The following NCAM2 variants were observed in gnomAD, a reference collection of about 807,000 sequenced individuals.
The protein encoded by NCAM2 is neural cell adhesion molecule 2.
In NCAM2, 30 loss-of-function variants were observed where a neutral mutation model predicts 98.1. That is an observed-to-expected ratio of 0.31 (90% CI 0.23 to 0.41). The LOEUF (loss-of-function observed/expected upper bound fraction) is 0.41, where lower values mean the gene tolerates loss of function less well. NCAM2 is among the 10% of genes least tolerant of loss of function. The pLI is 1.00. For missense variants in NCAM2, 867 were observed against 1,005.8 expected, an observed-to-expected ratio of 0.86 and a Z score of 1.87; for synonymous variants, 368 against 342.4, an observed-to-expected ratio of 1.07 and a Z score of -0.83.
rs746736384 is a variant in NCAM2, at chr21:21,373,964, T to C, written c.1146T>C (p.Ala382=). The change falls in exon 9 of 18, where the codon GCT becomes GCC. Residue 382 remains alanine (A), a synonymous_variant. Coordinates refer to ENST00000400546, the MANE Select transcript of NCAM2 (RefSeq NM_004540.5). ...LSDSGRYDCE[A]ASRIGGHQKS... ...ATTCAGGGAGATATGACTGTGAAGC[T>C]GCAAGCAGAATTGGAGGGCATCAAA... The C allele has an allele frequency of 1.4e-5, 23 of 1,611,212 alleles. No individual in the cohort carries two copies. In the Middle Eastern group the frequency reaches 5.0e-4, roughly 35 times the overall value.
chr21:21,135,875 C>T (rs559610307), intron 1 of NCAM2, among the ~76,000 whole-genome samples: 2 of 152,066 alleles, frequency 1.3e-5, no homozygotes, highest in Admixed American at 1.3e-4. Context: ...TCCATGTTCC[C>T]AGCCCTTCCT....
At chr21:21,292,360 G>T (rs2073329771) in intron 5 of NCAM2, 119 bp downstream of exon 5, 2 of 956,384 alleles carry the variant, frequency 2.1e-6, no homozygotes, top group African/African-American at 3.4e-5. Flanking sequence ...TCTATACCAG[G>T]AAGAAATCTT....
At chr21:21,207,437 C>T (rs958474622) in intron 1 of NCAM2, among the ~76,000 whole-genome samples, 3 of 152,092 alleles carry the variant, frequency 2.0e-5, no homozygotes, top group African/African-American at 4.8e-5. Context: ...ATTAAAGATA[C>T]TGTGTTTGAA....
intron 5 of NCAM2, among the ~76,000 whole-genome samples, chr21:21,295,304 G>A (rs2073437220): frequency 6.6e-6 from 1 of 151,732 alleles, no homozygotes; most frequent in Non-Finnish European, 1.5e-5. Context: ...TGTAGTACCA[G>A]CAATAATACA....
At chr21:21,367,975 A>G (rs865791682) in intron 8 of NCAM2, among the ~76,000 whole-genome samples, 6 of 151,924 alleles carry the variant, frequency 3.9e-5, no homozygotes, top group South Asian at 2.1e-4. Flanking sequence ...CATTTTGACA[A>G]CTGTCTGTTG....
intron 1 of NCAM2, among the ~76,000 whole-genome samples, chr21:21,061,144 T>G (rs925330694): frequency 2.6e-5 from 4 of 152,174 alleles, no homozygotes; most frequent in African/African-American, 9.6e-5. Flanking sequence ...TAAGTGATAG[T>G]CTGAAGAGTT....
intron 9 of NCAM2, among the ~76,000 whole-genome samples, chr21:21,401,779 A>G (rs531539940): frequency 2.6e-5 from 4 of 152,162 alleles, no homozygotes; most frequent in African/African-American, 9.7e-5. Context: ...TCTTTTCTAC[A>G]TACTAATTGA....
intron 1 of NCAM2, among the ~76,000 whole-genome samples, chr21:21,128,515 AAG>A (rs2066873092): frequency 6.6e-6 from 1 of 152,172 alleles, no homozygotes; most frequent in African/African-American, 2.4e-5. Context: ...ACTAATGAAA[AAG>A]AGCAAAAATC....
At chr21:21,445,682 T>C (rs1260314748) in intron 12 of NCAM2, among the ~76,000 whole-genome samples, 1 of 152,012 alleles carries the variant, frequency 6.6e-6, no homozygotes, top group Non-Finnish European at 1.5e-5. Flanking sequence ...TCTTGGTAAA[T>C]TTTCCTCCAT....
chr21:21,080,854 G>A (rs1040939329), intron 1 of NCAM2, among the ~76,000 whole-genome samples: 3 of 151,902 alleles, frequency 2.0e-5, no homozygotes, highest in African/African-American at 7.3e-5. Flanking sequence ...GAAAATGTTC[G>A]ACCAATGGGT....
chr21:21,174,110 A>C (rs924359846), intron 1 of NCAM2, among the ~76,000 whole-genome samples: 1 of 152,156 alleles, frequency 6.6e-6, no homozygotes, highest in African/African-American at 2.4e-5. Flanking sequence ...AGTAGATACG[A>C]GGTTTCACCA....
At chr21:21,320,405 T>C (rs2074346525) in intron 5 of NCAM2, among the ~76,000 whole-genome samples, 1 of 152,182 alleles carries the variant, frequency 6.6e-6, no homozygotes, top group Non-Finnish European at 1.5e-5. Flanking sequence ...TTTTTAAATT[T>C]TGTATGCATT....
intron 9 of NCAM2, among the ~76,000 whole-genome samples, chr21:21,386,042 G>C (rs1419710149): frequency 6.6e-6 from 1 of 151,834 alleles, no homozygotes; most frequent in Non-Finnish European, 1.5e-5. Flanking sequence ...ACATTCTAAG[G>C]TTATGGTTAC....
intron 1 of NCAM2, among the ~76,000 whole-genome samples, chr21:21,151,261 A>C (rs541720020): frequency 1.3e-5 from 2 of 152,122 alleles, no homozygotes; most frequent in Admixed American, 1.3e-4. Context: ...ATCTTAGATA[A>C]TATTTAATGT....
chr21:21,388,618 G>A (rs182225316), intron 9 of NCAM2, among the ~76,000 whole-genome samples: 17 of 152,214 alleles, frequency 1.1e-4, no homozygotes, highest in African/African-American at 1.9e-4. Flanking sequence ...AAATGCTGCC[G>A]GTACAACTGA....
At chr21:21,178,965 T>C (rs1264403659) in intron 1 of NCAM2, among the ~76,000 whole-genome samples, 1 of 152,052 alleles carries the variant, frequency 6.6e-6, no homozygotes, top group Non-Finnish European at 1.5e-5. Context: ...CATGAATTAC[T>C]GAGGGTAGAT....
At chr21:21,387,807 C>A (rs2076301445) in intron 9 of NCAM2, among the ~76,000 whole-genome samples, 1 of 152,102 alleles carries the variant, frequency 6.6e-6, no homozygotes, top group Non-Finnish European at 1.5e-5. Flanking sequence ...CCCCTGCTTT[C>A]ATGGACATTG....
At chr21:21,333,964 A>AT (rs540785972) in intron 6 of NCAM2, among the ~76,000 whole-genome samples, 67 of 149,626 alleles carry the variant, frequency 4.5e-4, no homozygotes, top group African/African-American at 1.2e-3. Flanking sequence ...ATTTATTATT[A>AT]TTTTTTTTTT....
chr21:21,172,043 C>A (rs967493673), intron 1 of NCAM2, among the ~76,000 whole-genome samples: 1 of 152,074 alleles, frequency 6.6e-6, no homozygotes, highest in Non-Finnish European at 1.5e-5. Context: ...GCATAACACA[C>A]ATGGGCTGTG....
Sources: gnomAD v4.1 joint callset for allele counts (sites outside exome capture counted in the v4.1 genomes callset) on GRCh38, gnomAD v4.1.1 for gene constraint, MANE v1.5 for transcripts, NCBI Gene and HGNC (gene_info 2026-07-23, HGNC 2026-07-21) for gene names.